The following TMEM154 variants were observed in gnomAD, a reference collection of about 807,000 sequenced individuals.
TMEM154 encodes the protein transmembrane protein 154.
A neutral mutation model predicts 24.5 loss-of-function variants in TMEM154; 27 were observed. The observed-to-expected ratio is 1.10, with a 90% CI of 0.81 to 1.52. TMEM154 has a LOEUF of 1.52. Among genes scored for constraint, TMEM154 ranks in the 40% most tolerant of loss-of-function variants. TMEM154 has a pLI of 0.00. For missense variants in TMEM154, 228 were observed against 213.4 expected (o/e 1.07, Z -0.43); for synonymous variants, 67 against 76.8 (o/e 0.87, Z 0.67).
At chr4:152,678,052 T>C (rs1420351825) in intron 1 of TMEM154, among the ~76,000 whole-genome samples, 1 of 152,044 alleles carries the variant, frequency 6.6e-6, no homozygotes, top group Non-Finnish European at 1.5e-5. Flanking sequence ...TCACATTTAG[T>C]TTGATACTTT....
intron 1 of TMEM154, among the ~76,000 whole-genome samples, chr4:152,655,275 T>C (rs1457798611): frequency 2.6e-5 from 4 of 152,122 alleles, no homozygotes; most frequent in Non-Finnish European, 5.9e-5. Flanking sequence ...CAGGAGAAGC[T>C]CCCCAATGTG....
In TMEM154 at chr4:152,627,417, T is replaced by C. The variant is rs1327386241; in HGVS notation, c.*1129A>G. 1 of 152,156 alleles carries C rather than the reference T, an allele frequency of 6.6e-6. No homozygotes were observed. Among genetic ancestry groups the C allele is most frequent in the Non-Finnish European group, 1.5e-5 (1 of 68,022 alleles). The allele number at this position is 152,156 out of a possible 1,614,324, so 9.4% of individuals were successfully genotyped here. A position where few individuals can be genotyped will look rare whatever the true frequency, so the allele number is the denominator to read the frequency against. On this transcript the variant is annotated 3_prime_UTR_variant, in exon 7 of 7. Coordinates refer to ENST00000304385, the MANE Select transcript of TMEM154 (RefSeq NM_152680.3). ...CTTTAAAGGGGTCAGATTTAGAAAA[T>C]TAAGGAATAAATGAAGAACAATTTT...
intron 1 of TMEM154, among the ~76,000 whole-genome samples, chr4:152,664,268 A>G (rs950355059): frequency 3.3e-5 from 5 of 152,016 alleles, no homozygotes; most frequent in African/African-American, 1.2e-4. Flanking sequence ...GCAAACTAAC[A>G]CAGGAACAGA....
chr4:152,628,866 C>T (rs1195959335), intron 6 of TMEM154, among the ~76,000 whole-genome samples: 6 of 150,990 alleles, frequency 4.0e-5, no homozygotes, highest in Non-Finnish European at 3.0e-5. Flanking sequence ...AGGATGGTCT[C>T]GATCTCCTGA....
intron 3 of TMEM154, among the ~76,000 whole-genome samples, chr4:152,650,053 G>C (rs1345083273): frequency 6.6e-6 from 1 of 152,162 alleles, no homozygotes; most frequent in Non-Finnish European, 1.5e-5. Context: ...TTCTGGCGGA[G>C]GGTCTTGCCT....
intron 1 of TMEM154, among the ~76,000 whole-genome samples, chr4:152,653,153 G>T (rs1460196188): frequency 6.6e-6 from 1 of 152,142 alleles, no homozygotes; most frequent in Non-Finnish European, 1.5e-5. Flanking sequence ...CTTGCACAAA[G>T]GTAGGCAGTT....
At chr4:152,667,805 T>C (rs1008464723) in intron 1 of TMEM154, among the ~76,000 whole-genome samples, 6 of 152,268 alleles carry the variant, frequency 3.9e-5, no homozygotes, top group African/African-American at 1.2e-4. Context: ...CGAAAGAACA[T>C]AAAGAAAGGA....
At chr4:152,637,239 G>A (rs1383731867) in intron 6 of TMEM154, among the ~76,000 whole-genome samples, 2 of 152,188 alleles carry the variant, frequency 1.3e-5, no homozygotes, top group Non-Finnish European at 2.9e-5. Flanking sequence ...AGTTTCACTT[G>A]CGTGGTGCTT....
intron 3 of TMEM154, chr4:152,647,029 T>C: frequency 1.3e-6 from 1 of 749,076 alleles, no homozygotes; most frequent in Non-Finnish European, 2.3e-6. Flanking sequence ...CGTTACTACA[T>C]CATGTTTCCC....
intron 6 of TMEM154, 47 bp downstream of exon 6, chr4:152,640,881 C>A: frequency 1.6e-6 from 2 of 1,280,560 alleles, no homozygotes; most frequent in South Asian, 2.4e-5. Flanking sequence ...CCCAATCCCC[C>A]CGCCCCCCGC....
chr4:152,670,647 T>A (rs905220141), intron 1 of TMEM154, among the ~76,000 whole-genome samples: 1 of 152,030 alleles, frequency 6.6e-6, no homozygotes, highest in Non-Finnish European at 1.5e-5. Context: ...TTTGGGATAG[T>A]TAGCTAATAT....
chr4:152,655,237 T>C (rs1728466747), intron 1 of TMEM154, among the ~76,000 whole-genome samples: 1 of 152,178 alleles, frequency 6.6e-6, no homozygotes, highest in South Asian at 2.1e-4. Context: ...AAATAAGGCA[T>C]CCTTCTTGGC....
chr4:152,671,746 CAAAAAAAA>C (rs10670541), intron 1 of TMEM154, among the ~76,000 whole-genome samples: 5 of 66,756 alleles, frequency 7.5e-5, no homozygotes, highest in Non-Finnish European at 9.9e-5. Flanking sequence ...GACTCCGTCT[CAAAAAAAA>C]AAAAAAAAAA....
intron 1 of TMEM154, among the ~76,000 whole-genome samples, chr4:152,674,538 C>T (rs1419105471): frequency 1.3e-5 from 2 of 152,128 alleles, no homozygotes; most frequent in African/African-American, 4.8e-5. Context: ...CTCTGGTCTG[C>T]CAGCTTACCC....
chr4:152,661,946 C>A (rs1728621777), intron 1 of TMEM154, among the ~76,000 whole-genome samples: 1 of 152,220 alleles, frequency 6.6e-6, no homozygotes, highest in African/African-American at 2.4e-5. Context: ...CTTTTTGACA[C>A]AAATGGTAGC....
intron 1 of TMEM154, among the ~76,000 whole-genome samples, chr4:152,673,358 T>A (rs958925478): frequency 2.0e-5 from 3 of 152,194 alleles, no homozygotes; most frequent in Non-Finnish European, 4.4e-5. Context: ...TGGAGTGAAG[T>A]GGCACAATCT....
At position 152,627,623 on chromosome 4, in the gene TMEM154, T is replaced by C. The variant is rs1210812513; in HGVS notation, c.*923A>G. 4 of 152,136 alleles carry C rather than the reference T, an allele frequency of 2.6e-5. No individual in the cohort carries two copies. Among genetic ancestry groups the C allele is most frequent in the Admixed American group, 2.6e-4 (4 of 15,270 alleles). The allele number at this position is 152,136 out of a possible 1,614,324, so 9.4% of individuals were successfully genotyped here. On this transcript the variant is annotated 3_prime_UTR_variant, in exon 7 of 7. Coordinates refer to ENST00000304385, the MANE Select transcript of TMEM154 (RefSeq NM_152680.3). ...GGGAGAGAATGCTAAGCATGATGAG[T>C]GAGATCTGCCACAGGCACGGATATT...
At chr4:152,678,251 A>G (rs1042332668) in intron 1 of TMEM154, among the ~76,000 whole-genome samples, 38 of 152,072 alleles carry the variant, frequency 2.5e-4, no homozygotes, top group Admixed American at 5.9e-4. Context: ...GATGTGCACG[A>G]TCAGATTCAG....
Position 152,628,689 on chromosome 4 carries a change from C to T in TMEM154, c.537-128G>A, listed in dbSNP as rs372898852. ...TCTGGCTCCGTCGCCCAGGCTGGAG[C>T]GCAGTGGCACAATCTCGGCCCACTG... On this transcript the variant is annotated intron_variant, in intron 6 of 6. Transcript: ENST00000304385. 8.6e-4 allele frequency: 1,012 copies of T among 1,180,550 alleles called. 2 individuals are homozygous for T. The highest frequency in any genetic ancestry group is 4.1e-3 in the South Asian group (223 of 54,650). 73.1% of individuals were successfully genotyped at this position (1,180,550 alleles called of 1,614,324 possible). A position where few individuals can be genotyped will look rare whatever the true frequency, so the allele number is the denominator to read the frequency against.
Sources: gnomAD v4.1 joint callset for allele counts (sites outside exome capture counted in the v4.1 genomes callset) on GRCh38, gnomAD v4.1.1 for gene constraint, MANE v1.5 for transcripts, NCBI Gene and HGNC (gene_info 2026-07-23, HGNC 2026-07-21) for gene names.